Variants in MYH10 observed in about 807,000 individuals in gnomAD.
The protein encoded by MYH10 is myosin-10.
A neutral mutation model predicts 257.8 loss-of-function variants in MYH10; 55 were observed. That is an observed-to-expected ratio of 0.21 (90% CI 0.17 to 0.27). MYH10 has a LOEUF of 0.27. Ranked by LOEUF, MYH10 falls within the 10% of genes least tolerant of loss-of-function variation. The pLI, the probability that MYH10 is intolerant of heterozygous loss-of-function variation, is 1.00. For missense variants in MYH10, 1,631 were observed against 2,500.6 expected (o/e 0.65, Z 7.42); for synonymous variants, 854 against 921.7 (o/e 0.93, Z 1.33).
intron 24 of MYH10, among the ~76,000 whole-genome samples, chr17:8,511,635 A>C (rs1447948629): frequency 6.6e-6 from 1 of 152,258 alleles, no homozygotes; most frequent in Non-Finnish European, 1.5e-5. Context: ...TCGGCTAAAT[A>C]ATTTACTCAT....
At chr17:8,571,242 TCGGCTCA>T (rs920553985) in intron 6 of MYH10, among the ~76,000 whole-genome samples, 4 of 149,768 alleles carry the variant, frequency 2.7e-5, no homozygotes, top group African/African-American at 7.4e-5. Flanking sequence ...TGGCGCGATC[TCGGCTCA>T]CTGCAAACTC....
intron 33 of MYH10, 23 bp downstream of exon 33, chr17:8,492,753 G>C (rs1567790189): frequency 6.2e-7 from 1 of 1,609,578 alleles, no homozygotes; most frequent in Non-Finnish European, 8.5e-7. Flanking sequence ...CTGCCAGGAG[G>C]AAACGACACG....
intron 30 of MYH10, among the ~76,000 whole-genome samples, chr17:8,496,210 C>T (rs867434123): frequency 1.3e-5 from 2 of 152,168 alleles, no homozygotes; most frequent in African/African-American, 4.8e-5. Flanking sequence ...CGCAGAGGGA[C>T]GCAGAGGGGC....
In MYH10 at chr17:8,506,385, C is replaced by A. The variant is rs776725154; in HGVS notation, c.3319G>T (p.Ala1107Ser). The A allele has an allele frequency of 6.3e-5, 101 of 1,611,878 alleles. No homozygotes were observed. Among genetic ancestry groups the A allele is most frequent in the Middle Eastern group, 4.9e-4 (3 of 6,074 alleles). The part of the protein sequence containing the change: ...DLQDQIAELQ[A>S]QIDELKLQLA... ...TGCAGCTTGAGCTCATCAATCTGCGCCTGCAGCTCTGCGATCTGGTCCTGC... is the reference window on the plus strand; with the variant it reads ...TGCAGCTTGAGCTCATCAATCTGCGACTGCAGCTCTGCGATCTGGTCCTGC... The change falls in exon 27 of 43, where the codon GCG becomes TCG. Residue 1107 changes from alanine (A) to serine (S), a missense_variant. Ala to Ser is a moderately conservative substitution (Grantham distance 99, BLOSUM62 1). Around this residue, in one of 11 missense-constraint regions of MYH10, gnomAD observed 169 missense variants for 249.8 expected, o/e 0.68. Transcript: ENST00000360416. The surrounding 1 kb of genome is among the most constrained non-coding windows in gnomAD (Gnocchi z 5.0).
chr17:8,595,425 CTTTTTT>C (rs10664342), intron 3 of MYH10, among the ~76,000 whole-genome samples: 6 of 84,212 alleles, frequency 7.1e-5, no homozygotes, highest in African/African-American at 1.8e-4. Context: ...AAGAACAGTT[CTTTTTT>C]TTTTTTTTTT....
At chr17:8,584,245 C>G (rs1180229953) in intron 4 of MYH10, among the ~76,000 whole-genome samples, 1 of 152,128 alleles carries the variant, frequency 6.6e-6, no homozygotes, top group East Asian at 1.9e-4. Flanking sequence ...GAACTATGGG[C>G]AGATAAGGCC....
chr17:8,516,495 A>G (rs897257232), intron 21 of MYH10, among the ~76,000 whole-genome samples: 4 of 152,274 alleles, frequency 2.6e-5, no homozygotes, highest in African/African-American at 7.2e-5. Context: ...ATGCTGGCTT[A>G]CATATAAGAT....
rs369123031 is a variant in MYH10, at chr17:8,493,056, C to T, written c.4210-32G>A. The T allele has an allele frequency of 1.0e-5, 16 of 1,607,372 alleles. No homozygotes were observed. In the African/African-American group the frequency reaches 1.7e-4, roughly 18 times the overall value. On this transcript the variant is annotated intron_variant, in intron 32 of 42. Transcript: ENST00000360416. Reference sequence around the variant, plus strand: ...TTTGTGTACGGACAAACAGAAAGCTCAGTATTAATGTACTCAATTGGGGCC... The same window carrying T: ...TTTGTGTACGGACAAACAGAAAGCTTAGTATTAATGTACTCAATTGGGGCC...
chr17:8,593,558 A>G (rs1026586495), intron 3 of MYH10, among the ~76,000 whole-genome samples: 3 of 152,166 alleles, frequency 2.0e-5, no homozygotes, highest in African/African-American at 7.2e-5. Context: ...AAATTTTGAA[A>G]GTTCCATTAA....
At chr17:8,547,132 C>T (rs1254357628) in intron 11 of MYH10, among the ~76,000 whole-genome samples, 1 of 152,158 alleles carries the variant, frequency 6.6e-6, no homozygotes, top group Non-Finnish European at 1.5e-5. Flanking sequence ...GCACGACAGC[C>T]TAGAACTCCT....
At chr17:8,521,429 T>A in intron 17 of MYH10, 144 bp from the exon 18 acceptor site, 2 of 816,926 alleles carry the variant, frequency 2.4e-6, no homozygotes, top group Non-Finnish European at 3.8e-6. Flanking sequence ...TCAGCATACT[T>A]AGGCACTGCA....
At chr17:8,596,309 C>T (rs1392834486) in intron 3 of MYH10, among the ~76,000 whole-genome samples, 2 of 151,974 alleles carry the variant, frequency 1.3e-5, no homozygotes, top group South Asian at 2.1e-4. Flanking sequence ...TGAGTTACCA[C>T]GCCCAGCTAA....
intron 14 of MYH10, among the ~76,000 whole-genome samples, chr17:8,537,217 G>A (rs1350717207): frequency 6.6e-6 from 1 of 152,086 alleles, no homozygotes; most frequent in Non-Finnish European, 1.5e-5. Context: ...AACTGAACTC[G>A]TACCAGTTCT....
intron 7 of MYH10, among the ~76,000 whole-genome samples, chr17:8,558,813 G>C (rs1314015242): frequency 6.6e-6 from 1 of 152,150 alleles, no homozygotes; most frequent in Non-Finnish European, 1.5e-5. Context: ...AGATTTGTAA[G>C]CATCAATTAG....
rs201373385 is a variant in MYH10, at chr17:8,625,913, T to TA, written c.-31-2637dup. On this transcript the variant is annotated intron_variant, in intron 1 of 42. Transcript: ENST00000360416. ...GCGCCACTGCTACCAGCAGGTATGT[T>TA]AGAGTAGAAAAAGAGGTTGAAAACC... 6.4e-3 allele frequency among the ~76,000 whole-genome samples: 970 copies of TA among 152,282 alleles called. 13 individuals are homozygous for TA. Among genetic ancestry groups the TA allele is most frequent in the African/African-American group, 0.022 (925 of 41,546 alleles).
Position 8,506,769 on chromosome 17 carries a change from G to A in MYH10, c.3215-280C>T, listed in dbSNP as rs2081086813. Reference sequence around the variant, plus strand: ...GAGGTGAGACCACACTGTGAGAGCCGAAGGGAGCTGGAATCCTCTCATGTC... The same window carrying A: ...GAGGTGAGACCACACTGTGAGAGCCAAAGGGAGCTGGAATCCTCTCATGTC... On this transcript the variant is annotated intron_variant, in intron 26 of 42. Transcript: ENST00000360416. The surrounding 1 kb of genome is among the most constrained non-coding windows in gnomAD (Gnocchi z 5.0). Among the ~76,000 whole-genome samples, 1 of 152,098 alleles carries A rather than the reference G, an allele frequency of 6.6e-6. No individual in the cohort carries two copies. Among genetic ancestry groups the A allele is most frequent in the East Asian group, 1.9e-4 (1 of 5,184 alleles).
chr17:8,488,364 G>A (rs1178852735), intron 35 of MYH10, among the ~76,000 whole-genome samples: 1 of 152,194 alleles, frequency 6.6e-6, no homozygotes. Context: ...CAGACACAGA[G>A]CTGTTGAGCT....
rs1191378207 is a variant in MYH10, at chr17:8,552,327, A to G, written c.821-183T>C. Among the ~76,000 whole-genome samples, 1 of 152,222 alleles carries G rather than the reference A, an allele frequency of 6.6e-6. No homozygotes were observed. The highest frequency in any genetic ancestry group is 2.4e-5 in the African/African-American group (1 of 41,446). ...ATCTGTGAAAAAAGAAAATAGGTGC[A>G]ACTTACGTTCCTCACTGATCTTCCA... On this transcript the variant is annotated intron_variant, in intron 8 of 42. Transcript: ENST00000360416. This position sits in a 1 kb window ranked among gnomAD's most constrained non-coding sequence, Gnocchi z 4.8.
At chr17:8,495,643 A>G (rs963865230) in intron 30 of MYH10, among the ~76,000 whole-genome samples, 12 of 152,206 alleles carry the variant, frequency 7.9e-5, no homozygotes, top group East Asian at 5.8e-4. Context: ...TGCGTTAACC[A>G]TATGTTTTGG....
Sources: allele counts gnomAD v4.1 joint callset (sites outside exome capture counted in the v4.1 genomes callset), GRCh38; gene constraint gnomAD v4.1.1; regional missense constraint gnomAD v4.1.1; non-coding constraint Gnocchi (gnomAD v3.1); transcripts MANE v1.5; gene names NCBI Gene and HGNC (gene_info 2026-07-23, HGNC 2026-07-21).